Variants in AAK1 observed in about 807,000 individuals in gnomAD.
AAK1 encodes the protein AP2-associated protein kinase 1.
A neutral mutation model predicts 116.0 loss-of-function variants in AAK1; 37 were observed. The ratio of observed to expected loss-of-function variants is 0.32; its 90% CI spans 0.25 to 0.42. The LOEUF is 0.42. Ranked by LOEUF, AAK1 falls within the 10% of genes least tolerant of loss-of-function variation. The pLI, the probability that AAK1 is intolerant of heterozygous loss-of-function variation, is 1.00. For missense variants in AAK1, 919 were observed against 1,170.6 expected (o/e 0.79, Z 3.14); for synonymous variants, 458 against 439.9 (o/e 1.04, Z -0.51).
At chr2:69,596,115 C>G (rs1435146052) in intron 2 of AAK1, among the ~76,000 whole-genome samples, 1 of 152,180 alleles carries the variant, frequency 6.6e-6, no homozygotes, top group Non-Finnish European at 1.5e-5. Flanking sequence ...TGACAATGCA[C>G]CTAGTCATCC....
chr2:69,576,333 T>C (rs1444164615), intron 2 of AAK1, among the ~76,000 whole-genome samples: 1 of 144,320 alleles, frequency 6.9e-6, no homozygotes, highest in Non-Finnish European at 1.5e-5. Flanking sequence ...TGCTTGAGGT[T>C]TTTTTTTTCT....
At position 69,460,239 on chromosome 2, in the gene AAK1, C is replaced by G. The variant is rs1217047547; in HGVS notation, c.*15630G>C. The G allele has an allele frequency of 6.6e-6, 1 of 152,562 alleles. No individual in the cohort carries two copies. Among genetic ancestry groups the G allele is most frequent in the Non-Finnish European group, 1.5e-5 (1 of 68,038 alleles). The allele number at this position is 152,562 out of a possible 1,614,324, so 9.5% of individuals were successfully genotyped here. On this transcript the variant is annotated 3_prime_UTR_variant, in exon 22 of 22. Coordinates refer to ENST00000409085, the MANE Select transcript of AAK1 (RefSeq NM_014911.5). ...ATCACACTTTTCTTTATTAAAGGGA[C>G]CCAAGTGATTTTTAAGCTGTATTCT...
In AAK1 at chr2:69,474,984, C is replaced by T; in HGVS notation, c.*885G>A. 1 of 967,458 alleles carries T rather than the reference C, an allele frequency of 1.0e-6. No individual in the cohort carries two copies. The allele number at this position is 967,458 out of a possible 1,614,324, so 59.9% of individuals were successfully genotyped here. A position where few individuals can be genotyped will look rare whatever the true frequency, so the allele number is the denominator to read the frequency against. ...CCTCCCCATCCTCCCCCCACCCCCG[C>T]CCCAGTGAAAAGTCTTCTAATAAAA... On this transcript the variant is annotated 3_prime_UTR_variant, in exon 22 of 22. Transcript: ENST00000409085.
chr2:69,605,046 C>T (rs763862351), intron 2 of AAK1, among the ~76,000 whole-genome samples: 1 of 152,164 alleles, frequency 6.6e-6, no homozygotes, highest in Non-Finnish European at 1.5e-5. Flanking sequence ...TAATTTCAGC[C>T]TTATGTCTCA....
At chr2:69,495,769 G>A (rs1402687306) in intron 17 of AAK1, among the ~76,000 whole-genome samples, 1 of 152,096 alleles carries the variant, frequency 6.6e-6, no homozygotes, top group South Asian at 2.1e-4. Flanking sequence ...AATCAATTTG[G>A]TATAACCTGA....
At chr2:69,495,865 G>T in intron 17 of AAK1, 120 bp downstream of exon 17, 2 of 749,456 alleles carry the variant, frequency 2.7e-6, no homozygotes, top group Non-Finnish European at 4.3e-6. Flanking sequence ...TACAACAGCA[G>T]CCTATTATTA....
intron 7 of AAK1, 143 bp downstream of exon 7, chr2:69,530,482 C>T: frequency 1.6e-6 from 1 of 626,812 alleles, no homozygotes; most frequent in South Asian, 2.6e-5. Flanking sequence ...CTGGTATTCT[C>T]ACATCAAGAA....
intron 3 of AAK1, among the ~76,000 whole-genome samples, chr2:69,549,778 A>C (rs1212466736): frequency 6.6e-6 from 1 of 152,196 alleles, no homozygotes; most frequent in African/African-American, 2.4e-5. Flanking sequence ...TGTAAAGTTG[A>C]TTAGAATAAA....
At chr2:69,598,974 C>T in intron 2 of AAK1, 1 of 419,196 alleles carries the variant, frequency 2.4e-6, no homozygotes, top group South Asian at 1.9e-5. Flanking sequence ...CTACCAAAAG[C>T]CTAGAGAAGG....
At chr2:69,518,522 G>C (rs570245807) in intron 12 of AAK1, among the ~76,000 whole-genome samples, 4 of 151,436 alleles carry the variant, frequency 2.6e-5, no homozygotes, top group Middle Eastern at 3.4e-3. Flanking sequence ...GGGTTCAAGC[G>C]ATTCTTCTGC....
intron 16 of AAK1, among the ~76,000 whole-genome samples, chr2:69,496,392 C>A (rs1675746431): frequency 6.6e-6 from 1 of 151,992 alleles, no homozygotes; most frequent in Non-Finnish European, 1.5e-5. Flanking sequence ...CTGCCTCAGC[C>A]TCCTGAGTCG....
chr2:69,483,072 T>G (rs1251868894), intron 17 of AAK1, among the ~76,000 whole-genome samples: 2 of 152,162 alleles, frequency 1.3e-5, no homozygotes, highest in Non-Finnish European at 2.9e-5. Context: ...TTGTTTTTAT[T>G]TGAGGTGTAA....
At chr2:69,577,908 A>G (rs1042469017) in intron 2 of AAK1, among the ~76,000 whole-genome samples, 1 of 152,190 alleles carries the variant, frequency 6.6e-6, no homozygotes, top group Admixed American at 6.5e-5. Flanking sequence ...TATTTTCACC[A>G]TTCCTGGGTA....
At chr2:69,577,573 G>A (rs1349692398) in intron 2 of AAK1, among the ~76,000 whole-genome samples, 1 of 152,198 alleles carries the variant, frequency 6.6e-6, no homozygotes, top group Non-Finnish European at 1.5e-5. Flanking sequence ...AGAACTACTG[G>A]TACACAGTGG....
intron 16 of AAK1, among the ~76,000 whole-genome samples, chr2:69,505,338 G>A (rs1193049195): frequency 1.3e-5 from 2 of 152,060 alleles, no homozygotes; most frequent in East Asian, 3.9e-4. Context: ...AGACTGTCCT[G>A]CCACTTTAAT....
intron 2 of AAK1, among the ~76,000 whole-genome samples, chr2:69,567,069 A>T (rs1671905158): frequency 6.6e-6 from 1 of 152,116 alleles, no homozygotes; most frequent in South Asian, 2.1e-4. Flanking sequence ...TCTCTCTCCA[A>T]CCTAGCTCAT....
chr2:69,615,964 G>A (rs1674309744), intron 2 of AAK1, among the ~76,000 whole-genome samples: 1 of 152,184 alleles, frequency 6.6e-6, no homozygotes, highest in Non-Finnish European at 1.5e-5. Context: ...GACTGGGCAT[G>A]GTGGCTCATG....
intron 2 of AAK1, among the ~76,000 whole-genome samples, chr2:69,602,380 T>C (rs1673618381): frequency 6.6e-6 from 1 of 152,156 alleles, no homozygotes; most frequent in African/African-American, 2.4e-5. Flanking sequence ...TAGTTTAGTT[T>C]GTTTTTTTAA....
Position 69,556,933 on chromosome 2 carries a change from T to C in AAK1, c.209A>G (p.Lys70Arg), listed in dbSNP as rs1450119160. The C allele has an allele frequency of 6.2e-7, 1 of 1,613,940 alleles. No individual in the cohort carries two copies. The highest frequency in any genetic ancestry group is 2.2e-5 in the East Asian group (1 of 44,882). The change falls in exon 3 of 22, where the codon AAA becomes AGA. Residue 70 changes from lysine (K) to arginine (R), a missense_variant. Lys to Arg is a conservative substitution (Grantham distance 26). This residue lies in a region of AAK1 where 317 missense variants were observed against 490.4 expected (regional missense o/e 0.65). Coordinates refer to ENST00000409085, the MANE Select transcript of AAK1 (RefSeq NM_014911.5). The stretch of plus-strand genomic sequence containing the variant: ...GACAAACATGCGTTTCAAGGCACAT[T>C]TCATCCCATTGCTTGTCCTCACCAG... ...VFLVRTSNGMKCALKRMFVNN... is the reference protein window; with the variant it reads ...VFLVRTSNGMRCALKRMFVNN...
Sources: allele counts gnomAD v4.1 joint callset (sites outside exome capture counted in the v4.1 genomes callset), GRCh38; gene constraint gnomAD v4.1.1; regional missense constraint gnomAD v4.1.1; transcripts MANE v1.5; gene names NCBI Gene and HGNC (gene_info 2026-07-23, HGNC 2026-07-21).